UBE3C: variants seen among roughly 807,000 people sequenced by gnomAD.
UBE3C encodes the protein ubiquitin-protein ligase E3C.
A neutral mutation model predicts 129.4 loss-of-function variants in UBE3C; 42 were observed. That is an observed-to-expected ratio of 0.32 (90% confidence interval 0.25 to 0.42). The LOEUF (loss-of-function observed/expected upper bound fraction) is 0.42. Among genes scored for constraint, UBE3C ranks in the 10% least tolerant of loss-of-function variants. The probability of loss-of-function intolerance (pLI) is 1.00; values close to 1 mark genes in which losing one functional copy is unlikely to be tolerated. For missense variants in UBE3C, 1,049 were observed against 1,319.1 expected (o/e 0.80, Z 3.17); for synonymous variants, 510 against 492.4 (o/e 1.04, Z -0.47).
chr7:157,235,775 A>G (rs1796137443), intron 18 of UBE3C, among the ~76,000 whole-genome samples: 1 of 152,232 alleles, frequency 6.6e-6, no homozygotes, highest in Admixed American at 6.5e-5. Context: ...CTTCCCTTAC[A>G]TTACTCTCTG....
intron 22 of UBE3C, among the ~76,000 whole-genome samples, chr7:157,264,390 A>T (rs1797014927): frequency 8.7e-6 from 1 of 115,446 alleles, no homozygotes; most frequent in South Asian, 3.1e-4. Context: ...GGTGTGAGTC[A>T]ACATGCTCGG....
Position 157,183,946 on chromosome 7 carries a change from GTC to G in UBE3C, c.1065_1066del (p.Pro356CysfsTer11). 6.2e-7 allele frequency: 1 copy of G among 1,614,194 alleles called. No individual in the cohort carries two copies. Among genetic ancestry groups the G allele is most frequent in the Non-Finnish European group, 8.5e-7 (1 of 1,180,040 alleles). On this transcript the variant is annotated frameshift_variant, in exon 9 of 23. Transcript: ENST00000348165. LOFTEE classifies it high-confidence loss of function. ...VLQTFLSQLP[V>X]SPASASCHDS... The stretch of plus-strand genomic sequence containing the variant: ...GCAGACCTTCCTCTCTCAGTTACCA[GTC>G]TCTCCTGCCAGCGCGAGCTGTCACG...
intron 1 of UBE3C, among the ~76,000 whole-genome samples, chr7:157,153,831 C>G (rs1807825562): frequency 6.6e-6 from 1 of 151,330 alleles, no homozygotes; most frequent in Non-Finnish European, 1.5e-5. Flanking sequence ...ACAAAACAAA[C>G]AAACAAACAA....
chr7:157,178,461 A>G (rs1315108354), intron 5 of UBE3C, among the ~76,000 whole-genome samples: 1 of 152,166 alleles, frequency 6.6e-6, no homozygotes, highest in Non-Finnish European at 1.5e-5. Context: ...TTGTCTGTGA[A>G]CTTAGTGCCA....
chr7:157,146,882 C>T (rs1807619615), intron 1 of UBE3C, among the ~76,000 whole-genome samples: 1 of 152,124 alleles, frequency 6.6e-6, no homozygotes, highest in Non-Finnish European at 1.5e-5. Flanking sequence ...AACTCCTGAC[C>T]TGAAGTGATC....
chr7:157,197,767 G>A, intron 10 of UBE3C: 2 of 1,612,748 alleles, frequency 1.2e-6, no homozygotes, highest in Non-Finnish European at 1.7e-6. Flanking sequence ...AGGATCCTGT[G>A]TGTACTATTG....
At position 157,226,705 on chromosome 7, in the gene UBE3C, T is replaced by A. The variant is rs1302370988; in HGVS notation, c.2233+1166T>A. Among the ~76,000 whole-genome samples the A allele has an allele frequency of 2.0e-5, 3 of 151,018 alleles. No homozygotes were observed. In the East Asian group the frequency reaches 5.9e-4, roughly 30 times the overall value. On this transcript the variant is annotated intron_variant, in intron 17 of 22. Transcript: ENST00000348165. ...GGAAAGCTGACATCAGTTGTTTCCTTACTCTATTTCAAGCTTTTTTTTTTT... is the reference window on the plus strand; with the variant it reads ...GGAAAGCTGACATCAGTTGTTTCCTAACTCTATTTCAAGCTTTTTTTTTTT...
At chr7:157,249,152 A>G (rs1209654898) in intron 19 of UBE3C, among the ~76,000 whole-genome samples, 1 of 152,116 alleles carries the variant, frequency 6.6e-6, no homozygotes, top group Non-Finnish European at 1.5e-5. Context: ...TTTTTAGTAT[A>G]TTCGTAGAGG....
At chr7:157,183,307 AT>A (rs1299457833) in intron 8 of UBE3C, among the ~76,000 whole-genome samples, 1 of 152,214 alleles carries the variant, frequency 6.6e-6, no homozygotes. Flanking sequence ...ACCTGCAAAA[AT>A]GGGGGTTCCT....
intron 17 of UBE3C, 125 bp downstream of exon 17, chr7:157,225,664 T>TTTA: frequency 8.7e-7 from 1 of 1,146,778 alleles, no homozygotes; most frequent in Non-Finnish European, 1.2e-6. Context: ...AACTGAAATG[T>TTTA]GAGGCTGGGC....
At chr7:157,151,694 C>G (rs2116816071) in intron 1 of UBE3C, among the ~76,000 whole-genome samples, 1 of 152,264 alleles carries the variant, frequency 6.6e-6, no homozygotes, top group South Asian at 2.1e-4. Flanking sequence ...TGCAAATTCA[C>G]TGATTTAGAT....
At chr7:157,199,928 AATAATATTAAATAATATTTGT>A in intron 10 of UBE3C, among the ~76,000 whole-genome samples, 1 of 152,080 alleles carries the variant, frequency 6.6e-6, no homozygotes, top group Non-Finnish European at 1.5e-5. Context: ...AATATTTTCC[AATAATATTAAATAATATTTGT>A]TGGAGACCCC....
chr7:157,256,478 C>T (rs764384347), intron 21 of UBE3C, among the ~76,000 whole-genome samples: 79 of 142,188 alleles, frequency 5.6e-4, no homozygotes, highest in Admixed American at 2.5e-3. Context: ...CTCCCCTTCT[C>T]GTACTTTGCC....
At chr7:157,176,904 G>A (rs1336705911) in intron 5 of UBE3C, among the ~76,000 whole-genome samples, 1 of 152,202 alleles carries the variant, frequency 6.6e-6, no homozygotes, top group African/African-American at 2.4e-5. Flanking sequence ...TACTTCAAGT[G>A]TATGTTAGTA....
At chr7:157,230,694 CAAAA>C (rs748639288) in intron 17 of UBE3C, among the ~76,000 whole-genome samples, 2 of 38,826 alleles carry the variant, frequency 5.2e-5, no homozygotes, top group South Asian at 1.1e-3. Flanking sequence ...GACCCCGTCT[CAAAA>C]AAAAAAAAAA....
chr7:157,249,751 T>C (rs1015259593), intron 19 of UBE3C, among the ~76,000 whole-genome samples: 1 of 152,244 alleles, frequency 6.6e-6, no homozygotes, highest in Non-Finnish European at 1.5e-5. Flanking sequence ...GGGTTGTTCC[T>C]ATGTTTGGGC....
chr7:157,189,669 C>G (rs1337130571), intron 10 of UBE3C, among the ~76,000 whole-genome samples: 1 of 152,210 alleles, frequency 6.6e-6, no homozygotes, highest in African/African-American at 2.4e-5. Flanking sequence ...TTTCCTGACT[C>G]TTTCAGCGGC....
intron 2 of UBE3C, among the ~76,000 whole-genome samples, chr7:157,166,366 T>A (rs1037515924): frequency 3.3e-5 from 5 of 152,256 alleles, no homozygotes; most frequent in Non-Finnish European, 7.3e-5. Flanking sequence ...CTTTGGTAAG[T>A]TGCTCACTTA....
intron 1 of UBE3C, among the ~76,000 whole-genome samples, chr7:157,140,654 C>A (rs1301970754): frequency 6.6e-6 from 1 of 152,178 alleles, no homozygotes; most frequent in African/African-American, 2.4e-5. Flanking sequence ...ACACAGCAAG[C>A]TAGTGGCAGA....
Sources: gnomAD v4.1 joint callset for allele counts (sites outside exome capture counted in the v4.1 genomes callset) on GRCh38, gnomAD v4.1.1 for gene constraint, MANE v1.5 for transcripts, NCBI Gene and HGNC (gene_info 2026-07-23, HGNC 2026-07-21) for gene names.